Variants in CPQ observed in about 807,000 individuals in gnomAD.
CPQ encodes the protein carboxypeptidase Q.
Under a neutral mutation model 45.7 loss-of-function variants are expected in CPQ, and 37 were observed. The observed-to-expected ratio is 0.81, with a 90% CI of 0.62 to 1.07. The LOEUF (loss-of-function observed/expected upper bound fraction) is 1.07, where lower values mean the gene tolerates loss of function less well. Among genes scored for constraint, CPQ ranks in the 50% least tolerant of loss-of-function variants. The probability of loss-of-function intolerance (pLI) is 0.00; values close to 1 mark genes in which losing one functional copy is unlikely to be tolerated. For synonymous variants in CPQ, 186 were observed against 205.8 expected, an observed-to-expected ratio of 0.90 and a Z score of 0.82; for missense variants, 537 against 572.9, an observed-to-expected ratio of 0.94 and a Z score of 0.64.
chr8:96,924,227 C>T (rs1812844483), intron 4 of CPQ, among the ~76,000 whole-genome samples: 1 of 152,132 alleles, frequency 6.6e-6, no homozygotes, highest in East Asian at 1.9e-4. Flanking sequence ...TGTTACCACC[C>T]CCAACTGCCT....
At position 96,934,434 on chromosome 8, in the gene CPQ, G is replaced by A. The variant is rs566289311; in HGVS notation, c.850-31501G>A. ...GATTGAGCAAAAGGGGCCAAGTCAC[G>A]CATTAAGTATGTCAGCCGCTTCCCT... is the stretch of plus-strand genomic sequence containing the variant. On this transcript the variant is annotated intron_variant, in intron 4 of 7. Coordinates refer to ENST00000220763, the MANE Select transcript of CPQ (RefSeq NM_016134.4). 1.2e-4 allele frequency among the ~76,000 whole-genome samples: 19 copies of A among 152,236 alleles called. No individual in the cohort carries two copies. In the South Asian group the frequency reaches 3.5e-3, roughly 28 times the overall value.
intron 6 of CPQ, among the ~76,000 whole-genome samples, chr8:97,039,042 A>C (rs966763757): frequency 6.6e-6 from 1 of 152,178 alleles, no homozygotes; most frequent in African/African-American, 2.4e-5. Context: ...ACTGTTGGTA[A>C]GCTTAGCATT....
At chr8:96,880,565 A>ATG (rs1812209889) in intron 4 of CPQ, among the ~76,000 whole-genome samples, 3 of 61,682 alleles carry the variant, frequency 4.9e-5, no homozygotes, top group Admixed American at 1.9e-4. Flanking sequence ...ATATATATAT[A>ATG]TATATATATA....
At chr8:96,781,538 A>G (rs2130806156) in intron 1 of CPQ, among the ~76,000 whole-genome samples, 1 of 152,320 alleles carries the variant, frequency 6.6e-6, no homozygotes, top group African/African-American at 2.4e-5. Flanking sequence ...TTCCAAGACC[A>G]TTACAAAGGC....
intron 5 of CPQ, among the ~76,000 whole-genome samples, chr8:97,020,737 T>A (rs1471247428): frequency 6.6e-6 from 1 of 151,592 alleles, no homozygotes; most frequent in Non-Finnish European, 1.5e-5. Flanking sequence ...AATTAAAAAA[T>A]TACCAACAAA....
chr8:97,028,599 G>A lies in CPQ; in HGVS notation c.962-804G>A, dbSNP rs111374067. Reference sequence around the variant, plus strand: ...TTCTTGGTCACAAAGTAGCACTTTTGGCATACTCTCACCATTTTTTTAACT... The same window carrying A: ...TTCTTGGTCACAAAGTAGCACTTTTAGCATACTCTCACCATTTTTTTAACT... On this transcript the variant is annotated intron_variant, in intron 5 of 7. Coordinates refer to ENST00000220763, the MANE Select transcript of CPQ (RefSeq NM_016134.4). Among the ~76,000 whole-genome samples the A allele has an allele frequency of 5.9e-3, 905 of 152,268 alleles. 13 individuals are homozygous for A. Among genetic ancestry groups the A allele is most frequent in the African/African-American group, 0.021 (863 of 41,546 alleles).
At chr8:97,068,932 T>C (rs1389512644) in intron 7 of CPQ, among the ~76,000 whole-genome samples, 2 of 152,230 alleles carry the variant, frequency 1.3e-5, no homozygotes, top group Admixed American at 1.3e-4. Flanking sequence ...GGGTCTGGAA[T>C]GCTGAGAAGC....
chr8:96,744,184 C>G (rs551485848), intron 1 of CPQ, among the ~76,000 whole-genome samples: 1 of 124,912 alleles, frequency 8.0e-6, no homozygotes, highest in Non-Finnish European at 1.8e-5. Context: ...CCTGGTTCGC[C>G]GTTTTTTAAG....
chr8:96,669,245 A>C (rs2130718905), intron 1 of CPQ, among the ~76,000 whole-genome samples: 1 of 152,352 alleles, frequency 6.6e-6, no homozygotes, highest in African/African-American at 2.4e-5. Context: ...CCCTGCTGGC[A>C]TGATGTCAGA....
intron 4 of CPQ, among the ~76,000 whole-genome samples, chr8:96,907,571 A>C (rs1270897953): frequency 6.6e-6 from 1 of 152,176 alleles, no homozygotes; most frequent in Non-Finnish European, 1.5e-5. Flanking sequence ...GAAGGTATAC[A>C]GAACTTTGAA....
rs185697966 is a variant in CPQ at position 97,057,527 on chromosome 8, T to C, written c.1054-8482T>C. ...GTAATACATCAATCACGCTCTCACA[T>C]TGGCAGCCACAAGCTAGAGCTAAAT... On this transcript the variant is annotated intron_variant, in intron 6 of 7. Transcript: ENST00000220763. 6.4e-3 allele frequency among the ~76,000 whole-genome samples: 974 copies of C among 152,328 alleles called. 4 individuals carry two copies. Among genetic ancestry groups the C allele is most frequent in the African/African-American group, 0.022 (897 of 41,582 alleles).
intron 1 of CPQ, among the ~76,000 whole-genome samples, chr8:96,683,766 T>TA (rs57075384): frequency 5.0e-4 from 74 of 148,520 alleles, no homozygotes; most frequent in South Asian, 1.7e-3. Context: ...ACTGAGTTAT[T>TA]AAAAAAAAAA....
intron 6 of CPQ, 73 bp downstream of exon 6, chr8:97,029,567 A>C: frequency 7.5e-7 from 1 of 1,327,934 alleles, no homozygotes; most frequent in Non-Finnish European, 1.1e-6. Flanking sequence ...TGTCCATTTA[A>C]GACTTCAATA....
intron 7 of CPQ, among the ~76,000 whole-genome samples, chr8:97,117,433 A>T (rs894565788): frequency 2.0e-5 from 3 of 152,212 alleles, no homozygotes; most frequent in African/African-American, 7.2e-5. Context: ...ACCTCAGGCC[A>T]GCCAAGACAG....
intron 6 of CPQ, among the ~76,000 whole-genome samples, chr8:97,030,963 G>A (rs1343249267): frequency 6.6e-6 from 1 of 152,050 alleles, no homozygotes; most frequent in Non-Finnish European, 1.5e-5. Context: ...CCAGAGAAAT[G>A]GAAAGGAATT....
intron 7 of CPQ, 49 bp from the exon 8 acceptor site, chr8:97,142,971 A>G (rs776967446): frequency 3.2e-6 from 5 of 1,576,020 alleles, no homozygotes; most frequent in Admixed American, 1.7e-5. Flanking sequence ...TGTATTCAGC[A>G]GTGTCTGTCA....
intron 1 of CPQ, among the ~76,000 whole-genome samples, chr8:96,778,530 A>G (rs1007545455): frequency 2.6e-5 from 4 of 152,162 alleles, no homozygotes; most frequent in Non-Finnish European, 5.9e-5. Context: ...TGTGCCTTCA[A>G]TCTTAGTAAA....
chr8:97,015,856 C>T (rs1346459650), intron 5 of CPQ, among the ~76,000 whole-genome samples: 1 of 152,066 alleles, frequency 6.6e-6, no homozygotes, highest in Non-Finnish European at 1.5e-5. Flanking sequence ...CATATGTGCC[C>T]TGACTTTAAG....
intron 6 of CPQ, among the ~76,000 whole-genome samples, chr8:97,036,110 G>A (rs1047646059): frequency 2.0e-5 from 3 of 152,146 alleles, no homozygotes; most frequent in Non-Finnish European, 2.9e-5. Context: ...TGGTTGGAGG[G>A]ACCTTATTTC....
Sources: allele counts gnomAD v4.1 joint callset (sites outside exome capture counted in the v4.1 genomes callset), GRCh38; gene constraint gnomAD v4.1.1; transcripts MANE v1.5; gene names NCBI Gene and HGNC (gene_info 2026-07-23, HGNC 2026-07-21).